The following KCNT2 variants were observed in gnomAD, a reference collection of about 807,000 sequenced individuals.
KCNT2 encodes the protein potassium channel subfamily T member 2.
In KCNT2, 67 loss-of-function variants were observed where a neutral mutation model predicts 153.8. That is an observed-to-expected ratio of 0.44 (90% confidence interval 0.36 to 0.53). The LOEUF (loss-of-function observed/expected upper bound fraction) is 0.53. KCNT2 is among the 20% of genes least tolerant of loss of function. The pLI, the probability that KCNT2 is intolerant of heterozygous loss-of-function variation, is 0.00. For missense variants in KCNT2, 975 were observed against 1,354.8 expected, an observed-to-expected ratio of 0.72 and a Z score of 4.40; for synonymous variants, 500 against 458.8, an observed-to-expected ratio of 1.09 and a Z score of -1.15.
At chr1:196,484,756 T>A (rs1679285914) in intron 3 of KCNT2, among the ~76,000 whole-genome samples, 1 of 152,094 alleles carries the variant, frequency 6.6e-6, no homozygotes, top group Non-Finnish European at 1.5e-5. Context: ...CTAGCCAGTT[T>A]TCCCAGCACC....
chr1:196,337,790 T>C (rs1460180972), intron 16 of KCNT2, among the ~76,000 whole-genome samples: 1 of 152,152 alleles, frequency 6.6e-6, no homozygotes, highest in South Asian at 2.1e-4. Flanking sequence ...TCTCCTATAC[T>C]AGCTCTGTTT....
chr1:196,292,891 C>T (rs188740074), intron 22 of KCNT2, among the ~76,000 whole-genome samples: 2 of 148,588 alleles, frequency 1.3e-5, no homozygotes, highest in East Asian at 2.0e-4. Context: ...TATATTGAAA[C>T]CTTAACTACT....
chr1:196,583,775 G>GT (rs1332788348), intron 1 of KCNT2, among the ~76,000 whole-genome samples: 1 of 151,982 alleles, frequency 6.6e-6, no homozygotes, highest in Admixed American at 6.6e-5. Flanking sequence ...TAAGAGAAAC[G>GT]TAAGTAGAGC....
At chr1:196,532,882 C>T (rs1379468406) in intron 1 of KCNT2, among the ~76,000 whole-genome samples, 4 of 152,006 alleles carry the variant, frequency 2.6e-5, no homozygotes, top group East Asian at 1.9e-4. Context: ...CAAAGGAGCT[C>T]GGGCTGCTAA....
intron 26 of KCNT2, among the ~76,000 whole-genome samples, chr1:196,244,563 G>T (rs1300206805): frequency 6.6e-6 from 1 of 152,148 alleles, no homozygotes; most frequent in Non-Finnish European, 1.5e-5. Context: ...TAGCCAGGTA[G>T]TACCCAACAT....
At chr1:196,451,342 G>C (rs1676166374) in intron 8 of KCNT2, among the ~76,000 whole-genome samples, 1 of 143,238 alleles carries the variant, frequency 7.0e-6, no homozygotes, top group South Asian at 2.3e-4. Flanking sequence ...CCAGGTTCAG[G>C]CAATTCTTAT....
At chr1:196,387,933 T>C (rs1421997996) in intron 13 of KCNT2, among the ~76,000 whole-genome samples, 3 of 151,610 alleles carry the variant, frequency 2.0e-5, no homozygotes, top group Non-Finnish European at 4.4e-5. Context: ...ATTTTTCTTT[T>C]TTTTTTTTTT....
chr1:196,285,808 G>A (rs1188349129), intron 22 of KCNT2, 50 bp from the exon 23 acceptor site: 1 of 1,026,054 alleles, frequency 9.7e-7, no homozygotes. Context: ...CACATTTTAT[G>A]CATTTCTGCC....
intron 13 of KCNT2, among the ~76,000 whole-genome samples, chr1:196,395,649 C>T (rs929691738): frequency 6.6e-6 from 1 of 151,556 alleles, no homozygotes; most frequent in Non-Finnish European, 1.5e-5. Context: ...TGAGGTCATG[C>T]AGTCAGTACA....
At chr1:196,463,612 C>T (rs1009596086) in intron 8 of KCNT2, among the ~76,000 whole-genome samples, 2 of 151,652 alleles carry the variant, frequency 1.3e-5, no homozygotes, top group African/African-American at 4.8e-5. Context: ...ACACACAAGA[C>T]ACACACAAAA....
chr1:196,392,505 A>T (rs1233431416), intron 13 of KCNT2, among the ~76,000 whole-genome samples: 1 of 151,510 alleles, frequency 6.6e-6, no homozygotes, highest in Non-Finnish European at 1.5e-5. Flanking sequence ...GTTATATGGG[A>T]AATGAAGAAA....
intron 16 of KCNT2, among the ~76,000 whole-genome samples, chr1:196,338,780 C>T (rs1325141939): frequency 1.3e-5 from 2 of 151,428 alleles, no homozygotes; most frequent in African/African-American, 4.8e-5. Flanking sequence ...GCACAGACCA[C>T]GATGATGTTG....
chr1:196,584,658 A>G (rs946399186), intron 1 of KCNT2, among the ~76,000 whole-genome samples: 1 of 152,170 alleles, frequency 6.6e-6, no homozygotes, highest in African/African-American at 2.4e-5. Flanking sequence ...TGTAGTAACT[A>G]GAAATAATGT....
Position 196,286,178 on chromosome 1 carries a change from T to C in KCNT2, c.2596-420A>G, listed in dbSNP as rs530221399. On this transcript the variant is annotated intron_variant, in intron 22 of 27. Transcript: ENST00000294725. ...AAAATAGGGAGGTAGGCACCTGTTA[T>C]GGTCTGAATGTTTGTGTCCCCTCAA... Among the ~76,000 whole-genome samples, 4 of 152,260 alleles carry C rather than the reference T, an allele frequency of 2.6e-5. No individual in the cohort carries two copies. The East Asian group carries it at 5.8e-4, about 22-fold the overall frequency.
At chr1:196,237,950 GC>G (rs1276485591) in intron 26 of KCNT2, among the ~76,000 whole-genome samples, 1 of 151,758 alleles carries the variant, frequency 6.6e-6, no homozygotes, top group Non-Finnish European at 1.5e-5. Context: ...TTTGAGAAAT[GC>G]CCCCTTATTT....
chr1:196,272,233 CA>C (rs1658132701), intron 25 of KCNT2, among the ~76,000 whole-genome samples: 1 of 151,634 alleles, frequency 6.6e-6, no homozygotes, highest in Non-Finnish European at 1.5e-5. Context: ...TAAAATCCAG[CA>C]ATAAAAATTT....
At chr1:196,242,719 A>G (rs1179420321) in intron 26 of KCNT2, among the ~76,000 whole-genome samples, 1 of 152,164 alleles carries the variant, frequency 6.6e-6, no homozygotes, top group Admixed American at 6.5e-5. Flanking sequence ...CAAGATAGGC[A>G]AAGTTTTTGC....
Position 196,467,697 on chromosome 1 carries a change from A to G in KCNT2, c.543+6T>C, listed in dbSNP as rs745445917. The stretch of plus-strand genomic sequence containing the variant: ...TTTCATATTTGCACTTTAATTCTAT[A>G]CTTACAATCATATTTTCCAAGGCAT... On this transcript the variant is annotated splice_donor_region_variant and intron_variant, in intron 7 of 27. Transcript: ENST00000294725. 2.6e-6 allele frequency: 4 copies of G among 1,560,724 alleles called. No individual in the cohort carries two copies. The highest frequency in any genetic ancestry group is 3.5e-6 in the Non-Finnish European group (4 of 1,133,994).
chr1:196,331,708 C>G (rs766548693), intron 17 of KCNT2, among the ~76,000 whole-genome samples: 5 of 151,996 alleles, frequency 3.3e-5, no homozygotes, highest in African/African-American at 9.7e-5. Context: ...AGTTTGTTAA[C>G]TCACAGCTTA....
Sources: allele counts gnomAD v4.1 joint callset (sites outside exome capture counted in the v4.1 genomes callset), GRCh38; gene constraint gnomAD v4.1.1; transcripts MANE v1.5; gene names NCBI Gene and HGNC (gene_info 2026-07-23, HGNC 2026-07-21).